The following LMNA variants were observed in gnomAD, a reference collection of about 807,000 sequenced individuals.
The protein encoded by LMNA is lamin A/C, also known as lamin.
LMNA carries 20 observed loss-of-function variants against 70.4 expected under a neutral mutation model. The observed-to-expected ratio is 0.28, with a 90% CI of 0.20 to 0.41. The LOEUF is 0.41. Among genes scored for constraint, LMNA ranks in the 10% least tolerant of loss-of-function variants. The probability of loss-of-function intolerance (pLI) is 1.00; values close to 1 mark genes in which losing one functional copy is unlikely to be tolerated. For synonymous variants in LMNA, 339 were observed against 372.8 expected (o/e 0.91, Z 1.04); for missense variants, 652 against 917.2 (o/e 0.71, Z 3.73).
chr1:156,137,916 A>C lies in LMNA; in HGVS notation c.1698+173A>C. The C allele has an allele frequency of 1.4e-6, 2 of 1,390,746 alleles. No homozygotes were observed. The highest frequency in any genetic ancestry group is 1.9e-6 in the Non-Finnish European group (2 of 1,042,268). The allele number at this position is 1,390,746 out of a possible 1,614,324, so 86.2% of individuals were successfully genotyped here. A position where few individuals can be genotyped will look rare whatever the true frequency, so the allele number is the denominator to read the frequency against. Reference sequence around the variant, plus strand: ...TCTCCTCCCTATACCTTGAACAGGGAACCCAGGTGTCTGGGTGCCCTACTC... The same window carrying C: ...TCTCCTCCCTATACCTTGAACAGGGCACCCAGGTGTCTGGGTGCCCTACTC... On this transcript the variant is annotated intron_variant, in intron 10 of 11. Coordinates refer to ENST00000368300, the MANE Select transcript of LMNA (RefSeq NM_170707.4). The surrounding 1 kb of genome is among the most constrained non-coding windows in gnomAD (Gnocchi z 4.6).
rs1183097458 is a variant in LMNA at position 156,134,896 on chromosome 1, C to A, written c.731C>A (p.Ala244Glu). ...GAGTTTGAGAGCCGGCTGGCGGATG[C>A]GCTGCAGGAACTGCGGGCCCAGCAT... The part of the protein sequence containing the change: ...QREFESRLAD[A>E]LQELRAQHED... The change falls in exon 4 of 12, where the codon GCG becomes GAG. Residue 244 changes from alanine (A) to glutamate (E), a missense_variant. By Grantham distance (107) the Ala-to-Glu change is moderately radical. Transcript: ENST00000368300. This position sits in a 1 kb window ranked among gnomAD's most constrained non-coding sequence, Gnocchi z 5.3. 2 of 1,614,068 alleles carry A rather than the reference C, an allele frequency of 1.2e-6. No homozygotes were observed. The highest frequency in any genetic ancestry group is 2.7e-5 in the African/African-American group (2 of 74,928).
At chr1:156,111,875 C>T (rs570069197), upstream of LMNA, among the ~76,000 whole-genome samples, 15 of 152,374 alleles carry the variant, frequency 9.8e-5, no homozygotes, top group Non-Finnish European at 2.1e-4. Context: ...TCACCTCCAG[C>T]AGGCTCAGCT....
At chr1:156,110,455 T>C (rs1649493007), upstream of LMNA, among the ~76,000 whole-genome samples, 1 of 152,216 alleles carries the variant, frequency 6.6e-6, no homozygotes, top group South Asian at 2.1e-4. Context: ...TTATTGCACA[T>C]CCCCATTTTA....
intron 3 of LMNA, among the ~76,000 whole-genome samples, chr1:156,104,092 G>A (rs1434039154): frequency 1.3e-5 from 2 of 152,234 alleles, no homozygotes; most frequent in Non-Finnish European, 2.9e-5. Context: ...CCAGAGTAGA[G>A]GGAAGGCCTG....
intron 1 of LMNA, among the ~76,000 whole-genome samples, chr1:156,124,437 C>T (rs1450754412): frequency 1.3e-5 from 2 of 152,060 alleles, no homozygotes; most frequent in Admixed American, 6.5e-5. Flanking sequence ...TATAGGTGCC[C>T]GCCACCATGC....
Position 156,131,355 on chromosome 1 carries a change from A to G in LMNA, c.513+582A>G, listed in dbSNP as rs570207170. 3.3e-5 allele frequency among the ~76,000 whole-genome samples: 5 copies of G among 152,280 alleles called. No individual in the cohort carries two copies. In the East Asian group the frequency reaches 7.7e-4, roughly 23 times the overall value. On this transcript the variant is annotated intron_variant, in intron 2 of 11. Transcript: ENST00000368300. ...GTAATCCCAGCATTTTGGGAGGCCA[A>G]GGAGGCAGGATTGCTTGAGTCCAGG... is the stretch of plus-strand genomic sequence containing the variant.
rs191243918 is a variant in LMNA at position 156,097,067 on chromosome 1, A to G, written c.-207+6485A>G. On this transcript the variant is annotated intron_variant, in intron 3 of 12. Transcript: ENST00000368301. Reference sequence around the variant, plus strand: ...GGTTGGGGGTCCTGATGAGGCTGCTATTCTCTTGAGGACATGAAATGAGAG... The same window carrying G: ...GGTTGGGGGTCCTGATGAGGCTGCTGTTCTCTTGAGGACATGAAATGAGAG... 3.9e-5 allele frequency among the ~76,000 whole-genome samples: 6 copies of G among 152,326 alleles called. No homozygotes were observed. The East Asian group carries it at 1.2e-3, about 29-fold the overall frequency.
At chr1:156,127,068 G>T in intron 1 of LMNA, 1 of 738,276 alleles carries the variant, frequency 1.4e-6, no homozygotes, top group East Asian at 2.8e-5. Flanking sequence ...CACTCAGCGT[G>T]TGCTCAGCTT....
At chr1:156,093,301 T>G (rs1362459828) in intron 3 of LMNA, among the ~76,000 whole-genome samples, 1 of 135,540 alleles carries the variant, frequency 7.4e-6, no homozygotes, top group Non-Finnish European at 1.6e-5. Context: ...ATATGTCAAT[T>G]TTTTTTTTTT....
At chr1:156,121,159 C>T (rs762144267) in intron 1 of LMNA, among the ~76,000 whole-genome samples, 7 of 151,048 alleles carry the variant, frequency 4.6e-5, no homozygotes, top group Non-Finnish European at 8.8e-5. Context: ...AAGTGATCCT[C>T]CCACCTCAGC....
intron 2 of LMNA, among the ~76,000 whole-genome samples, chr1:156,084,023 A>G (rs575933859): frequency 5.3e-5 from 8 of 152,270 alleles, no homozygotes; most frequent in African/African-American, 1.7e-4. Context: ...ATGGCACTGC[A>G]GCTTGAGGGC....
Position 156,139,959 on chromosome 1 carries a change from G to A in LMNA, c.*853G>A, listed in dbSNP as rs1000785491. On this transcript the variant is annotated 3_prime_UTR_variant, in exon 12 of 12. Coordinates refer to ENST00000368300, the MANE Select transcript of LMNA (RefSeq NM_170707.4). ...GCCTGCTGGCACCCACCGTGGAGGA[G>A]GAAGGCAAGAGGGGGTGGAGGGGTG... is the stretch of plus-strand genomic sequence containing the variant. The A allele has an allele frequency of 1.2e-5, 11 of 937,750 alleles. No individual in the cohort carries two copies. In the African/African-American group the frequency reaches 1.9e-4, roughly 16 times the overall value. The allele number at this position is 937,750 out of a possible 1,614,324, so 58.1% of individuals were successfully genotyped here.
In LMNA at chr1:156,114,976, C is replaced by G; in HGVS notation, c.58C>G (p.Pro20Ala). 1 of 1,593,228 alleles carries G rather than the reference C, an allele frequency of 6.3e-7. No individual in the cohort carries two copies. The highest frequency in any genetic ancestry group is 8.5e-7 in the Non-Finnish European group (1 of 1,170,386). Residue 20 changes from proline (P) to alanine (A), a missense_variant, in exon 1 of 12, where the codon CCG becomes GCG. Pro to Ala is a conservative substitution (Grantham distance 27, BLOSUM62 -1). Transcript: ENST00000368300. ...CAGCGGGGCGCAGGCCAGCTCCACTCCGCTGTCGCCCACCCGCATCACCCG... is the reference window on the plus strand; with the variant it reads ...CAGCGGGGCGCAGGCCAGCTCCACTGCGCTGTCGCCCACCCGCATCACCCG... ...TRSGAQASST[P>A]LSPTRITRLQ...
At position 156,103,389 on chromosome 1, in the gene LMNA, CT is replaced by C. The variant is rs1367282945; in HGVS notation, c.-206-11322del. ...GGAAGAGGGCCCCCAGTATGCCCCT[CT>C]TGTGTGCTGGGCCCTCGCACTTCCT... On this transcript the variant is annotated intron_variant, in intron 3 of 12. Transcript: ENST00000368301. This position sits in a 1 kb window ranked among gnomAD's most constrained non-coding sequence, Gnocchi z 4.7. 1.3e-5 allele frequency among the ~76,000 whole-genome samples: 2 copies of C among 152,130 alleles called. No homozygotes were observed. Among genetic ancestry groups the C allele is most frequent in the Non-Finnish European group, 2.9e-5 (2 of 68,022 alleles).
At position 156,103,771 on chromosome 1, in the gene LMNA, G is replaced by A. The variant is rs1471952995; in HGVS notation, c.-206-10942G>A. Among the ~76,000 whole-genome samples the A allele has an allele frequency of 6.6e-6, 1 of 152,178 alleles. No individual in the cohort carries two copies. On this transcript the variant is annotated intron_variant, in intron 3 of 12. Transcript: ENST00000368301. The surrounding 1 kb of genome is among the most constrained non-coding windows in gnomAD (Gnocchi z 4.7). ...CACAGGGCCACATCTGGCTCCATTT[G>A]AACATACCCCACCCTCCCTGCTCTT...
Position 156,136,838 on chromosome 1 carries a change from C to G in LMNA, c.1381-83C>G. 1.7e-6 allele frequency: 2 copies of G among 1,147,306 alleles called. No individual in the cohort carries two copies. The highest frequency in any genetic ancestry group is 2.6e-5 in the South Asian group (2 of 75,802). The allele number at this position is 1,147,306 out of a possible 1,614,324, so 71.1% of individuals were successfully genotyped here. The stretch of plus-strand genomic sequence containing the variant: ...AGGAGAGGCCTCAATTGCAGGCAGG[C>G]AGAGGGCTGGGCCTTTGAGCAAGAT... On this transcript the variant is annotated intron_variant, in intron 7 of 11. Coordinates refer to ENST00000368300, the MANE Select transcript of LMNA (RefSeq NM_170707.4). This position sits in a 1 kb window ranked among gnomAD's most constrained non-coding sequence, Gnocchi z 6.1.
In LMNA at chr1:156,108,600, T is replaced by C. The variant is rs145991925; in HGVS notation, c.-206-6113T>C. Among the ~76,000 whole-genome samples the C allele has an allele frequency of 3.0e-4, 45 of 152,182 alleles. 1 individual carries two copies. In the East Asian group the frequency reaches 8.7e-3, roughly 29 times the overall value. On this transcript the variant is annotated intron_variant, in intron 3 of 12. Coordinates refer to the LMNA transcript ENST00000368301. ...GGTGAAATCCCGTCTCTACTAAAAA[T>C]ACAAAAAAATTAGCTGGGCTAATTT...
intron 1 of LMNA, among the ~76,000 whole-genome samples, chr1:156,127,153 G>A (rs1650656752): frequency 1.3e-5 from 2 of 152,160 alleles, no homozygotes; most frequent in Non-Finnish European, 2.9e-5. Flanking sequence ...GTCTACTTTG[G>A]TCCCTGCTAG....
In LMNA at chr1:156,138,783, A is replaced by G. The variant is rs80264244; in HGVS notation, c.1968+26A>G. On this transcript the variant is annotated intron_variant, in intron 11 of 11. Coordinates refer to ENST00000368300, the MANE Select transcript of LMNA (RefSeq NM_170707.4). The surrounding 1 kb of genome is among the most constrained non-coding windows in gnomAD (Gnocchi z 5.5). ...GTGAGTTGTCTCTGCTTTGTCTCCA[A>G]ATCCTGCAGGCGGGTCCCTGGTCAT... is the stretch of plus-strand genomic sequence containing the variant. 10,558 of 1,612,884 alleles carry G rather than the reference A, an allele frequency of 6.5e-3. 595 individuals carry two copies. In the African/African-American group the frequency reaches 0.12, roughly 19 times the overall value.
Sources: gnomAD v4.1 joint callset for allele counts (sites outside exome capture counted in the v4.1 genomes callset) on GRCh38, gnomAD v4.1.1 for gene constraint, Gnocchi (gnomAD v3.1) non-coding constraint, MANE v1.5 for transcripts, NCBI Gene and HGNC (gene_info 2026-07-23, HGNC 2026-07-21) for gene names.